RMDN2: variants seen among roughly 807,000 people sequenced by gnomAD.
The protein encoded by RMDN2 is regulator of microtubule dynamics protein 2.
In RMDN2, 61 loss-of-function variants were observed where a neutral mutation model predicts 52.8. The ratio of observed to expected loss-of-function variants is 1.16; its 90% CI spans 0.94 to 1.43. The LOEUF (loss-of-function observed/expected upper bound fraction) is 1.43. RMDN2 is among the 40% of genes most tolerant of loss of function. RMDN2 has a pLI of 0.00. For missense variants in RMDN2, 592 were observed against 475.3 expected, an observed-to-expected ratio of 1.25 and a Z score of -2.28; for synonymous variants, 180 against 153.1, an observed-to-expected ratio of 1.18 and a Z score of -1.30.
chr2:38,053,024 A>G (rs1324432933), intron 10 of RMDN2, among the ~76,000 whole-genome samples: 2 of 152,222 alleles, frequency 1.3e-5, no homozygotes, highest in African/African-American at 4.8e-5. Context: ...AGGCTCTGTT[A>G]TAGTTCAAGG....
At chr2:38,045,622 G>T (rs1038440119) in intron 10 of RMDN2, among the ~76,000 whole-genome samples, 3 of 147,336 alleles carry the variant, frequency 2.0e-5, no homozygotes, top group Non-Finnish European at 3.0e-5. Flanking sequence ...AATGATCAAG[G>T]AAATTGATCA....
At chr2:38,015,403 A>G (rs1286703896) in intron 10 of RMDN2, among the ~76,000 whole-genome samples, 1 of 152,086 alleles carries the variant, frequency 6.6e-6, no homozygotes, top group African/African-American at 2.4e-5. Flanking sequence ...TGTCTCTACT[A>G]AAAATACAAA....
At chr2:38,063,691 C>G (rs1225008275) in intron 10 of RMDN2, among the ~76,000 whole-genome samples, 1 of 151,948 alleles carries the variant, frequency 6.6e-6, no homozygotes, top group African/African-American at 2.4e-5. Flanking sequence ...ACAATGAACT[C>G]AAACAAATTT....
chr2:37,964,794 G>A (rs749610982), intron 2 of RMDN2, among the ~76,000 whole-genome samples: 13 of 151,950 alleles, frequency 8.6e-5, no homozygotes, highest in Non-Finnish European at 1.0e-4. Flanking sequence ...CATTGAATTC[G>A]TTTACTATTA....
chr2:38,048,183 C>G (rs1321389522), intron 10 of RMDN2, among the ~76,000 whole-genome samples: 2 of 152,222 alleles, frequency 1.3e-5, no homozygotes, highest in South Asian at 4.1e-4. Context: ...TGCTGCAGTC[C>G]TCCCTGTCTG....
Position 38,017,396 on chromosome 2 carries a change from A to T in RMDN2, c.*157A>T. Reference sequence around the variant, plus strand: ...CTGCAGAATGCATTCCACTAGTAGCACTACAAAATTAATTATGTTATTTGG... The same window carrying T: ...CTGCAGAATGCATTCCACTAGTAGCTCTACAAAATTAATTATGTTATTTGG... On this transcript the variant is annotated 3_prime_UTR_variant, in exon 11 of 11. Coordinates refer to ENST00000354545, the MANE Select transcript of RMDN2 (RefSeq NM_001170791.3). 7.3e-7 allele frequency: 1 copy of T among 1,360,634 alleles called. No individual in the cohort carries two copies. Among genetic ancestry groups the T allele is most frequent in the South Asian group, 1.8e-5 (1 of 54,508 alleles). The allele number at this position is 1,360,634 out of a possible 1,614,324, so 84.3% of individuals were successfully genotyped here. A position where few individuals can be genotyped will look rare whatever the true frequency, so the allele number is the denominator to read the frequency against.
At chr2:37,997,698 G>A in intron 8 of RMDN2, 184 bp downstream of exon 8, 1 of 558,274 alleles carries the variant, frequency 1.8e-6, no homozygotes, top group South Asian at 2.3e-5. Flanking sequence ...AAACTCCTTA[G>A]AACAACTAGT....
downstream of RMDN2, among the ~76,000 whole-genome samples, chr2:38,022,218 G>A (rs1437208242): frequency 6.6e-6 from 1 of 152,128 alleles, no homozygotes; most frequent in Non-Finnish European, 1.5e-5. Flanking sequence ...ACGTAAAAAT[G>A]GTTTCTATAT....
chr2:38,026,083 T>C (rs1242668562), intron 10 of RMDN2, among the ~76,000 whole-genome samples: 1 of 152,134 alleles, frequency 6.6e-6, no homozygotes, highest in African/African-American at 2.4e-5. Context: ...CCTGGAGTTT[T>C]CTTTGTTGGG....
chr2:37,947,005 C>G (rs182148868), intron 2 of RMDN2, among the ~76,000 whole-genome samples: 132 of 152,148 alleles, frequency 8.7e-4, no homozygotes, highest in African/African-American at 3.1e-3. Context: ...ACTAGAATGC[C>G]TTTAGTAACT....
chr2:37,979,975 T>C (rs2125095073), intron 4 of RMDN2, among the ~76,000 whole-genome samples: 1 of 152,260 alleles, frequency 6.6e-6, no homozygotes, highest in East Asian at 1.9e-4. Flanking sequence ...ACTTTTTAAT[T>C]GTTTCCAATT....
chr2:38,051,574 A>G (rs1381823617), intron 10 of RMDN2, among the ~76,000 whole-genome samples: 1 of 152,162 alleles, frequency 6.6e-6, no homozygotes, highest in East Asian at 1.9e-4. Flanking sequence ...GAAATATACA[A>G]TATGTTATTA....
At chr2:38,047,588 C>T (rs954896038) in intron 10 of RMDN2, among the ~76,000 whole-genome samples, 3 of 152,086 alleles carry the variant, frequency 2.0e-5, no homozygotes, top group African/African-American at 7.2e-5. Context: ...ACCACTTAGG[C>T]CTTCTGTGAT....
intron 2 of RMDN2, among the ~76,000 whole-genome samples, chr2:37,938,859 A>G (rs1245543198): frequency 6.6e-6 from 1 of 152,062 alleles, no homozygotes; most frequent in Admixed American, 6.5e-5. Context: ...TCCTGGATTC[A>G]CTGATTTTTT....
At chr2:38,009,541 G>C (rs1677636192) in intron 10 of RMDN2, among the ~76,000 whole-genome samples, 1 of 152,164 alleles carries the variant, frequency 6.6e-6, no homozygotes, top group Non-Finnish European at 1.5e-5. Flanking sequence ...TAGTTCTCGT[G>C]CCTTGGTTTT....
chr2:38,033,771 G>A (rs930210917), intron 10 of RMDN2, among the ~76,000 whole-genome samples: 1 of 152,148 alleles, frequency 6.6e-6, no homozygotes, highest in Non-Finnish European at 1.5e-5. Context: ...GTCATTTCAT[G>A]GGAATCCAAA....
chr2:38,040,711 C>T (rs1680899285), intron 10 of RMDN2, among the ~76,000 whole-genome samples: 1 of 152,098 alleles, frequency 6.6e-6, no homozygotes, highest in South Asian at 2.1e-4. Flanking sequence ...GGGTATTTTG[C>T]CTTTCCATAT....
At chr2:38,050,155 A>C (rs1681499284) in intron 10 of RMDN2, among the ~76,000 whole-genome samples, 1 of 152,108 alleles carries the variant, frequency 6.6e-6, no homozygotes, top group Admixed American at 6.6e-5. Flanking sequence ...TTTAAAGAAA[A>C]GTTTTAAGCC....
chr2:37,989,028 C>T lies in RMDN2; in HGVS notation c.792-513C>T, dbSNP rs541296248. Among the ~76,000 whole-genome samples, 380 of 151,966 alleles carry T rather than the reference C, an allele frequency of 2.5e-3. 1 individual carries two copies. Among genetic ancestry groups the T allele is most frequent in the Non-Finnish European group, 4.5e-3 (305 of 67,948 alleles). ...AAATTACCTTTGATTTTGTTTTAATCGTGGTATTTATTTGCATATTTATTG... is the reference window on the plus strand; with the variant it reads ...AAATTACCTTTGATTTTGTTTTAATTGTGGTATTTATTTGCATATTTATTG... On this transcript the variant is annotated intron_variant, in intron 5 of 10. Coordinates refer to ENST00000354545, the MANE Select transcript of RMDN2 (RefSeq NM_001170791.3).
Sources: gnomAD v4.1 joint callset for allele counts (sites outside exome capture counted in the v4.1 genomes callset) on GRCh38, gnomAD v4.1.1 for gene constraint, MANE v1.5 for transcripts, NCBI Gene and HGNC (gene_info 2026-07-23, HGNC 2026-07-21) for gene names.